The following KDM2B variants were observed in gnomAD, a reference collection of about 807,000 sequenced individuals.
The protein encoded by KDM2B is lysine-specific demethylase 2B.
KDM2B carries 26 observed loss-of-function variants against 150.0 expected under a neutral mutation model. That is an observed-to-expected ratio of 0.17 (90% confidence interval 0.13 to 0.24). The LOEUF (loss-of-function observed/expected upper bound fraction) is 0.24. KDM2B is among the 10% of genes least tolerant of loss of function. KDM2B has a pLI of 1.00. For synonymous variants in KDM2B, 734 were observed against 729.5 expected (o/e 1.01, Z -0.10); for missense variants, 1,265 against 1,816.9 (o/e 0.70, Z 5.52).
At chr12:121,516,252 T>A (rs1555304969) in intron 9 of KDM2B, 2 of 316,934 alleles carry the variant, frequency 6.3e-6, no homozygotes, top group Non-Finnish European at 1.2e-5. Flanking sequence ...TCGGACACCA[T>A]GACCACCTGG....
chr12:121,538,231 G>C (rs1293154224), intron 6 of KDM2B, among the ~76,000 whole-genome samples: 1 of 151,990 alleles, frequency 6.6e-6, no homozygotes, highest in African/African-American at 2.4e-5. Flanking sequence ...CCCCTCGCCC[G>C]GCCGGTGGGG....
chr12:121,580,226 T>A (rs1555317702), intron 1 of KDM2B: 5 of 1,155,742 alleles, frequency 4.3e-6, no homozygotes, highest in African/African-American at 3.5e-5. Context: ...GTTTGCAAAG[T>A]CCTAGGAAAC....
the KDM2B span, chr12:121,416,674 T>G: frequency 3.8e-6 from 1 of 260,930 alleles, no homozygotes; most frequent in Non-Finnish European, 7.5e-6. Flanking sequence ...GTCTGTAGTT[T>G]TGTTCACAAA....
chr12:121,555,407 C>T (rs1555312529), intron 4 of KDM2B, among the ~76,000 whole-genome samples: 2 of 152,176 alleles, frequency 1.3e-5, no homozygotes, highest in African/African-American at 4.8e-5. Context: ...GAGTCTCGCT[C>T]TGTCTCCCAG....
chr12:121,410,882 A>T, the KDM2B span, among the ~76,000 whole-genome samples: 1 of 152,260 alleles, frequency 6.6e-6, no homozygotes, highest in Non-Finnish European at 1.5e-5. Context: ...TGTACTGAAT[A>T]TTGGGTTATA....
chr12:121,528,972 C>T (rs1887398815), intron 8 of KDM2B, among the ~76,000 whole-genome samples: 2 of 152,292 alleles, frequency 1.3e-5, no homozygotes, highest in Admixed American at 6.5e-5. Context: ...AGAGAGAATC[C>T]TCTCTGAATC....
rs781820646 is a variant in KDM2B, at chr12:121,442,300, G to T, written c.3141C>A (p.Pro1047=). 6.2e-6 allele frequency: 10 copies of T among 1,609,544 alleles called. No homozygotes were observed. The highest frequency in any genetic ancestry group is 8.5e-6 in the Non-Finnish European group (10 of 1,177,338). ...QMERHVIRPP[P]ISPPPDSLPL... ...GTAGCGAGTCAGGCGGGGGGCTGATGGGGGGTGGCCGGATCACATGGCGCT... is the reference window on the plus strand; with the variant it reads ...GTAGCGAGTCAGGCGGGGGGCTGATTGGGGGTGGCCGGATCACATGGCGCT... The change falls in exon 19 of 23, where the codon CCC becomes CCA. Residue 1047 remains proline (P), a synonymous_variant. Transcript: ENST00000377071. This position sits in a 1 kb window ranked among gnomAD's most constrained non-coding sequence, Gnocchi z 7.7.
At chr12:121,534,146 G>A (rs28408620) in intron 7 of KDM2B, among the ~76,000 whole-genome samples, 123,123 of 152,002 alleles carry the variant, frequency 0.81, 50,487 homozygotes, top group Non-Finnish European at 0.87. Context: ...TCAGGAGATC[G>A]AGACCATCCT....
intron 10 of KDM2B, among the ~76,000 whole-genome samples, chr12:121,511,317 C>G (rs1456902402): frequency 1.5e-5 from 2 of 136,304 alleles, no homozygotes; most frequent in African/African-American, 5.7e-5. Flanking sequence ...GACAGAGTCT[C>G]ACTTTGTTGG....
At chr12:121,512,521 TA>T (rs1297978773) in intron 10 of KDM2B, among the ~76,000 whole-genome samples, 66 of 145,586 alleles carry the variant, frequency 4.5e-4, no homozygotes, top group Admixed American at 4.1e-4. Flanking sequence ...ATCCCCTGGT[TA>T]AAAAAAAAAA....
chr12:121,526,081 G>C (rs782529793), intron 8 of KDM2B, among the ~76,000 whole-genome samples: 3 of 152,180 alleles, frequency 2.0e-5, no homozygotes, highest in Admixed American at 2.0e-4. Context: ...GCCGAGACTG[G>C]TAGCTCACAC....
chr12:121,536,967 C>T (rs782036833), intron 6 of KDM2B, among the ~76,000 whole-genome samples: 3 of 152,246 alleles, frequency 2.0e-5, no homozygotes, highest in Non-Finnish European at 2.9e-5. Context: ...AAGCTGGCTG[C>T]AGTGTGCAGG....
intron 11 of KDM2B, among the ~76,000 whole-genome samples, chr12:121,499,271 A>G (rs1884282178): frequency 6.7e-6 from 1 of 150,342 alleles, no homozygotes; most frequent in Admixed American, 6.6e-5. Flanking sequence ...CACCATGCCC[A>G]GCTAATTTTT....
rs188008189 is a variant in KDM2B at position 121,462,281 on chromosome 12, T to C, written c.1735-8937A>G. On this transcript the variant is annotated intron_variant, in intron 12 of 22. Coordinates refer to ENST00000377071, the MANE Select transcript of KDM2B (RefSeq NM_032590.5). ...TTGCAGGCCCCTTAACACACGCCTG[T>C]AGACTCCAGGCTCTGGGTTTTTTAA... 3.5e-4 allele frequency among the ~76,000 whole-genome samples: 53 copies of C among 152,290 alleles called. No individual in the cohort carries two copies. The East Asian group carries it at 7.5e-3, about 22-fold the overall frequency.
chr12:121,539,360 GA>G (rs1350261717), intron 6 of KDM2B, among the ~76,000 whole-genome samples: 1 of 110,552 alleles, frequency 9.0e-6, no homozygotes, highest in African/African-American at 3.3e-5. Context: ...AAAAAAGAAA[GA>G]AAAGGATGTG....
At chr12:121,455,550 TTAAAATTAGCCAGGTG>T (rs1555292569) in intron 12 of KDM2B, among the ~76,000 whole-genome samples, 1 of 151,936 alleles carries the variant, frequency 6.6e-6, no homozygotes, top group East Asian at 1.9e-4. Context: ...CAAAAAATTT[TTAAAATTAGCCAGGTG>T]TAGTGGTGTG....
intron 8 of KDM2B, among the ~76,000 whole-genome samples, chr12:121,525,966 T>C (rs1354145226): frequency 2.0e-5 from 3 of 152,212 alleles, no homozygotes; most frequent in African/African-American, 7.2e-5. Flanking sequence ...GCCACCTGGC[T>C]GGATAAGCTG....
intron 11 of KDM2B, among the ~76,000 whole-genome samples, chr12:121,494,923 G>A (rs574758973): frequency 7.9e-5 from 12 of 151,824 alleles, no homozygotes; most frequent in South Asian, 6.3e-4. Context: ...TGACTTCCAC[G>A]TATGTATCAC....
At chr12:121,540,754 CAAAA>C (rs60199948) in intron 6 of KDM2B, among the ~76,000 whole-genome samples, 2 of 64,496 alleles carry the variant, frequency 3.1e-5, no homozygotes, top group Non-Finnish European at 5.6e-5. Context: ...GACTCTGTCT[CAAAA>C]AAAAAAAAAA....
Sources: allele counts gnomAD v4.1 joint callset (sites outside exome capture counted in the v4.1 genomes callset), GRCh38; gene constraint gnomAD v4.1.1; non-coding constraint Gnocchi (gnomAD v3.1); transcripts MANE v1.5; gene names NCBI Gene and HGNC (gene_info 2026-07-23, HGNC 2026-07-21).